IGSF3: variants seen among roughly 807,000 people sequenced by gnomAD.
IGSF3 encodes the protein immunoglobulin superfamily member 3, also known as glu-Trp-Ile EWI motif-containing protein 3.
Under a neutral mutation model 114.4 loss-of-function variants are expected in IGSF3, and 23 were observed. The ratio of observed to expected loss-of-function variants is 0.20; its 90% CI spans 0.14 to 0.28. IGSF3 has a LOEUF of 0.28. Ranked by LOEUF, IGSF3 falls within the 10% of genes least tolerant of loss-of-function variation. IGSF3 has a pLI of 1.00. For missense variants in IGSF3, 1,172 were observed against 1,591.5 expected (o/e 0.74, Z 4.48); for synonymous variants, 571 against 645.2 (o/e 0.88, Z 1.74).
rs1160356681 is a variant in IGSF3 at position 116,579,849 on chromosome 1, G to A, written c.2877C>T (p.Val959=). 5 of 1,610,238 alleles carry A rather than the reference G, an allele frequency of 3.1e-6. No individual in the cohort carries two copies. In the Admixed American group the frequency reaches 6.7e-5, roughly 21 times the overall value. The stretch of plus-strand genomic sequence containing the variant: ...CCTTCTCAGAGACCGTGGCATTGGG[G>A]ACCACTGTGTCCACCTGCAGGGAAG... ...PDASLQVDTV[V]PNATVSEKAA... The change falls in exon 10 of 11, where the codon GTC becomes GTT. Residue 959 remains valine (V), a synonymous_variant. Transcript: ENST00000369486. The surrounding 1 kb of genome is among the most constrained non-coding windows in gnomAD (Gnocchi z 6.4).
Position 116,613,839 on chromosome 1 carries a change from T to C in IGSF3, c.758A>G (p.Gln253Arg), listed in dbSNP as rs760913144. The change falls in exon 4 of 11, where the codon CAG becomes CGG. Residue 253 changes from glutamine (Q) to arginine (R), a missense_variant. This residue lies in a region of IGSF3 where 736 missense variants were observed against 1,042.0 expected (regional missense o/e 0.71). Transcript: ENST00000369486. ...EFYCEAAEWI[Q>R]DPDGSWYAMT... The stretch of plus-strand genomic sequence containing the variant: ...AGCATACCACGACCCATCCGGATCC[T>C]GGATCCACTCGGCGGCCTCGCAGTA... 4.3e-6 allele frequency: 7 copies of C among 1,613,872 alleles called. No homozygotes were observed. The East Asian group carries it at 8.9e-5, about 21-fold the overall frequency.
rs995915486 is a variant in IGSF3, at chr1:116,625,511, G to A, written c.44-9054C>T. On this transcript the variant is annotated intron_variant, in intron 2 of 10. Coordinates refer to ENST00000369486, the MANE Select transcript of IGSF3 (RefSeq NM_001007237.3). This position sits in a 1 kb window ranked among gnomAD's most constrained non-coding sequence, Gnocchi z 4.7. The stretch of plus-strand genomic sequence containing the variant: ...GGGCACCGAAAGGCACATTAATAAA[G>A]TCAAACACCTCCTCTGGGACTGGGG... 2.0e-5 allele frequency among the ~76,000 whole-genome samples: 3 copies of A among 152,240 alleles called. No homozygotes were observed. Among genetic ancestry groups the A allele is most frequent in the Non-Finnish European group, 4.4e-5 (3 of 68,050 alleles).
At chr1:116,609,693 T>C (rs1660938769) in intron 4 of IGSF3, among the ~76,000 whole-genome samples, 1 of 152,118 alleles carries the variant, frequency 6.6e-6, no homozygotes, top group Non-Finnish European at 1.5e-5. Flanking sequence ...TCATTAGCTC[T>C]GACCTTGCCT....
chr1:116,581,013 T>A (rs1347084091), intron 9 of IGSF3, among the ~76,000 whole-genome samples: 9 of 152,286 alleles, frequency 5.9e-5, no homozygotes, highest in South Asian at 2.1e-4. Flanking sequence ...AAGTTTATAC[T>A]AATTTGTTAT....
In IGSF3 at chr1:116,585,260, A is replaced by G. The variant is rs17036017; in HGVS notation, c.2441-208T>C. ...GAATGCCTGGGTTTCAAGGAGCTCA[A>G]TGTTACAATAACAGCTGTCCCAAAG... On this transcript the variant is annotated intron_variant, in intron 8 of 10. Transcript: ENST00000369486. The surrounding 1 kb of genome is among the most constrained non-coding windows in gnomAD (Gnocchi z 4.9). 0.045 allele frequency among the ~76,000 whole-genome samples: 6,877 copies of G among 152,202 alleles called. 507 individuals are homozygous for G. Among genetic ancestry groups the G allele is most frequent in the African/African-American group, 0.16 (6,503 of 41,478 alleles).
chr1:116,593,089 T>C lies in IGSF3; in HGVS notation c.2030-3985A>G, dbSNP rs1660189580. Among the ~76,000 whole-genome samples, 1 of 152,196 alleles carries C rather than the reference T, an allele frequency of 6.6e-6. No individual in the cohort carries two copies. Among genetic ancestry groups the C allele is most frequent in the Non-Finnish European group, 1.5e-5 (1 of 68,024 alleles). On this transcript the variant is annotated intron_variant, in intron 7 of 10. Coordinates refer to ENST00000369486, the MANE Select transcript of IGSF3 (RefSeq NM_001007237.3). This position sits in a 1 kb window ranked among gnomAD's most constrained non-coding sequence, Gnocchi z 4.5. ...TTAGAAAGGTAAGCTTCGGCCACAC[T>C]GCAAGGGGCCTGCAGCTTGTACTTG...
At position 116,642,966 on chromosome 1, in the gene IGSF3, C is replaced by A. The variant is rs537568817; in HGVS notation, c.43+23318G>T. Among the ~76,000 whole-genome samples, 3 of 152,338 alleles carry A rather than the reference C, an allele frequency of 2.0e-5. No homozygotes were observed. The highest frequency in any genetic ancestry group is 7.2e-5 in the African/African-American group (3 of 41,578). ...CACTTGCAATACTCACTCCCCTCAC[C>A]TCTGCCCCTAAAGCAATTATTCATT... On this transcript the variant is annotated intron_variant, in intron 2 of 10. Coordinates refer to ENST00000369486, the MANE Select transcript of IGSF3 (RefSeq NM_001007237.3). The surrounding 1 kb of genome is among the most constrained non-coding windows in gnomAD (Gnocchi z 5.4).
Position 116,588,514 on chromosome 1 carries a change from C to A in IGSF3, c.2440+180G>T, listed in dbSNP as rs1201076360. On this transcript the variant is annotated intron_variant, in intron 8 of 10. Coordinates refer to ENST00000369486, the MANE Select transcript of IGSF3 (RefSeq NM_001007237.3). The surrounding 1 kb of genome is among the most constrained non-coding windows in gnomAD (Gnocchi z 4.9). ...AGTCTGCCGTCAGCATCAGGACCCA[C>A]TGCAGGTAAAATGGATGGGATTGCA... Among the ~76,000 whole-genome samples the A allele has an allele frequency of 6.6e-6, 1 of 152,194 alleles. No homozygotes were observed. Among genetic ancestry groups the A allele is most frequent in the South Asian group, 2.1e-4 (1 of 4,832 alleles).
At position 116,629,368 on chromosome 1, in the gene IGSF3, T is replaced by C. The variant is rs1338198624; in HGVS notation, c.44-12911A>G. Among the ~76,000 whole-genome samples the C allele has an allele frequency of 2.6e-5, 4 of 152,188 alleles. No homozygotes were observed. Among genetic ancestry groups the C allele is most frequent in the Admixed American group, 2.6e-4 (4 of 15,282 alleles). On this transcript the variant is annotated intron_variant, in intron 2 of 10. Coordinates refer to ENST00000369486, the MANE Select transcript of IGSF3 (RefSeq NM_001007237.3). The surrounding 1 kb of genome is among the most constrained non-coding windows in gnomAD (Gnocchi z 4.3). ...AAAACGCTAAAGGGAGGTGGGGTAA[T>C]AAGGGATTGTTTTTTCTTTGCACTT...
intron 9 of IGSF3, among the ~76,000 whole-genome samples, chr1:116,581,005 G>A (rs1659580698): frequency 1.3e-5 from 2 of 152,220 alleles, no homozygotes; most frequent in Non-Finnish European, 2.9e-5. Flanking sequence ...AAACAATCAA[G>A]TTTATACTAA....
In IGSF3 at chr1:116,589,398, A is replaced by T. The variant is rs1410137526; in HGVS notation, c.2030-294T>A. 6.6e-6 allele frequency among the ~76,000 whole-genome samples: 1 copy of T among 152,014 alleles called. No individual in the cohort carries two copies. Among genetic ancestry groups the T allele is most frequent in the Non-Finnish European group, 1.5e-5 (1 of 68,016 alleles). Reference sequence around the variant, plus strand: ...ATCCTGCTGAAATACAAATCTAGCTATATCAGGTCTCTGCTTGAAAAGTTT... The same window carrying T: ...ATCCTGCTGAAATACAAATCTAGCTTTATCAGGTCTCTGCTTGAAAAGTTT... On this transcript the variant is annotated intron_variant, in intron 7 of 10. Transcript: ENST00000369486. The surrounding 1 kb of genome is among the most constrained non-coding windows in gnomAD (Gnocchi z 5.7).
Position 116,627,747 on chromosome 1 carries a change from CATG to C in IGSF3, c.44-11293_44-11291del, listed in dbSNP as rs981091596. ...GGGGTGGCCCTGGCTTCAGGAAGCCCATGATAAGTCAGTCTGCTGTGTCCTTCA... is the reference window on the plus strand; with the variant it reads ...GGGGTGGCCCTGGCTTCAGGAAGCCCATAAGTCAGTCTGCTGTGTCCTTCA... On this transcript the variant is annotated intron_variant, in intron 2 of 10. Coordinates refer to ENST00000369486, the MANE Select transcript of IGSF3 (RefSeq NM_001007237.3). The surrounding 1 kb of genome is among the most constrained non-coding windows in gnomAD (Gnocchi z 4.7). 6.6e-6 allele frequency among the ~76,000 whole-genome samples: 1 copy of C among 152,156 alleles called. No individual in the cohort carries two copies.
Position 116,596,213 on chromosome 1 carries a change from G to C in IGSF3, c.2029+3728C>G, listed in dbSNP as rs756845102. Among the ~76,000 whole-genome samples, 1 of 152,220 alleles carries C rather than the reference G, an allele frequency of 6.6e-6. No individual in the cohort carries two copies. Among genetic ancestry groups the C allele is most frequent in the Non-Finnish European group, 1.5e-5 (1 of 68,046 alleles). ...AATGATATCACAGCAGTGGAAGGCT[G>C]ATGGTAAACAGACCAGCATGAGTGA... On this transcript the variant is annotated intron_variant, in intron 7 of 10. Coordinates refer to ENST00000369486, the MANE Select transcript of IGSF3 (RefSeq NM_001007237.3). This position sits in a 1 kb window ranked among gnomAD's most constrained non-coding sequence, Gnocchi z 4.1.
rs1648635290 is a variant in IGSF3 at position 116,651,517 on chromosome 1, T to C, written c.43+14767A>G. ...TGAAGTTTTAGAATTCCTTTTCAAA[T>C]ACCATAGCTAGCATTTCTTTGGCTA... On this transcript the variant is annotated intron_variant, in intron 2 of 10. Coordinates refer to ENST00000369486, the MANE Select transcript of IGSF3 (RefSeq NM_001007237.3). The surrounding 1 kb of genome is among the most constrained non-coding windows in gnomAD (Gnocchi z 4.4). Among the ~76,000 whole-genome samples, 1 of 152,214 alleles carries C rather than the reference T, an allele frequency of 6.6e-6. No homozygotes were observed. Among genetic ancestry groups the C allele is most frequent in the Non-Finnish European group, 1.5e-5 (1 of 68,034 alleles).
intron 7 of IGSF3, among the ~76,000 whole-genome samples, chr1:116,590,890 C>T (rs527579511): frequency 3.4e-3 from 519 of 152,260 alleles, no homozygotes; most frequent in South Asian, 0.013. Flanking sequence ...AAGTCCAATT[C>T]CCAATGCCAT....
rs1247666911 is a variant in IGSF3, at chr1:116,633,282, G to A, written c.44-16825C>T. On this transcript the variant is annotated intron_variant, in intron 2 of 10. Coordinates refer to ENST00000369486, the MANE Select transcript of IGSF3 (RefSeq NM_001007237.3). This position sits in a 1 kb window ranked among gnomAD's most constrained non-coding sequence, Gnocchi z 4.3. ...TCCTGCTCTGGGAAATCAGATCTCA[G>A]TAGGTCATCAACCATTCCAGGAAGT... Among the ~76,000 whole-genome samples the A allele has an allele frequency of 6.6e-6, 1 of 152,226 alleles. No homozygotes were observed. The highest frequency in any genetic ancestry group is 1.9e-4 in the East Asian group (1 of 5,200).
At chr1:116,666,155 GAC>G in intron 2 of IGSF3, 127 bp downstream of exon 2, 1 of 851,098 alleles carries the variant, frequency 1.2e-6, no homozygotes, top group Non-Finnish European at 2.0e-6. Context: ...TCCAACCTGT[GAC>G]ACACACCGAC....
chr1:116,601,833 G>A (rs934909077), intron 6 of IGSF3, among the ~76,000 whole-genome samples: 6 of 151,990 alleles, frequency 3.9e-5, no homozygotes, highest in African/African-American at 1.5e-4. Context: ...GGGTGGTGTA[G>A]GACAGAACCT....
At chr1:116,609,304 T>C (rs984014911) in intron 4 of IGSF3, among the ~76,000 whole-genome samples, 2 of 151,928 alleles carry the variant, frequency 1.3e-5, no homozygotes, top group African/African-American at 4.8e-5. Context: ...TGGAGTGTAG[T>C]GGCATGATCG....
Sources: gnomAD v4.1 joint callset for allele counts (sites outside exome capture counted in the v4.1 genomes callset) on GRCh38, gnomAD v4.1.1 for gene constraint, gnomAD v4.1.1 regional missense constraint, Gnocchi (gnomAD v3.1) non-coding constraint, MANE v1.5 for transcripts, NCBI Gene and HGNC (gene_info 2026-07-23, HGNC 2026-07-21) for gene names.